The following TENM1 variants were observed in gnomAD, a reference collection of about 807,000 sequenced individuals.
TENM1 encodes the protein teneurin-1.
TENM1 carries 35 observed loss-of-function variants against 174.8 expected under a neutral mutation model. The observed-to-expected ratio is 0.20, with a 90% CI of 0.15 to 0.27. The LOEUF (loss-of-function observed/expected upper bound fraction) is 0.27. Among genes scored for constraint, TENM1 ranks in the 10% least tolerant of loss-of-function variants. TENM1 has a pLI of 1.00. For synonymous variants in TENM1, 781 were observed against 798.7 expected (o/e 0.98, Z 0.37); for missense variants, 1,633 against 2,130.1 (o/e 0.77, Z 4.59).
chrX:124,825,409 C>T (rs911284048), intron 3 of TENM1, among the ~76,000 whole-genome samples: 3 of 109,185 alleles, frequency 2.7e-5, no homozygotes, highest in Non-Finnish European at 5.7e-5. Flanking sequence ...AAGTGATCCA[C>T]CCGCTTCAGT....
chrX:124,618,483 A>G (rs1268597331), intron 11 of TENM1, among the ~76,000 whole-genome samples: 2 of 111,273 alleles, frequency 1.8e-5, no homozygotes, highest in African/African-American at 6.6e-5. Context: ...TTTTCCTGTT[A>G]TATTTTCTGT....
intron 19 of TENM1, among the ~76,000 whole-genome samples, chrX:124,501,058 C>A (rs1330320051): frequency 2.7e-5 from 3 of 110,958 alleles, no homozygotes; most frequent in Non-Finnish European, 5.7e-5. Context: ...CACTTAGTGC[C>A]CTAGATTGTT....
chrX:124,439,475 T>C (rs777971591), intron 23 of TENM1, among the ~76,000 whole-genome samples: 1 of 96,607 alleles, frequency 1.0e-5, no homozygotes, highest in East Asian at 2.9e-4. Flanking sequence ...TCAATGACTA[T>C]AGTGAACATT....
chrX:125,096,572 T>C, the TENM1 span, among the ~76,000 whole-genome samples: 4 of 111,980 alleles, frequency 3.6e-5, no homozygotes, highest in East Asian at 5.6e-4. Flanking sequence ...CTCAAAGTTA[T>C]TTGAACATGG....
chrX:124,603,191 G>T (rs2050069943), intron 11 of TENM1, among the ~76,000 whole-genome samples: 1 of 111,324 alleles, frequency 9.0e-6, no homozygotes, highest in Non-Finnish European at 1.9e-5. Context: ...AACTGAGAGA[G>T]AATAAATTTC....
chrX:124,865,909 A>T (rs1190087682), intron 3 of TENM1, among the ~76,000 whole-genome samples: 1 of 112,213 alleles, frequency 8.9e-6, no homozygotes, highest in Non-Finnish European at 1.9e-5. Context: ...ATAAGAAGAG[A>T]AAAGAAGGTC....
intron 20 of TENM1, among the ~76,000 whole-genome samples, chrX:124,492,571 C>T (rs1165218590): frequency 9.1e-6 from 1 of 110,061 alleles, no homozygotes; most frequent in East Asian, 2.9e-4. Flanking sequence ...CTAATGACAG[C>T]TAATGTGTGC....
chrX:124,867,292 T>C (rs2057025798), intron 3 of TENM1, among the ~76,000 whole-genome samples: 1 of 112,157 alleles, frequency 8.9e-6, no homozygotes, highest in African/African-American at 3.2e-5. Flanking sequence ...TCATTCATCA[T>C]GACCAGAGGG....
the TENM1 span, among the ~76,000 whole-genome samples, chrX:125,062,486 T>C: frequency 5.1e-3 from 576 of 111,967 alleles, 3 homozygotes; most frequent in African/African-American, 0.018. Flanking sequence ...TGGAGACTTT[T>C]TTAGTTATAT....
intron 5 of TENM1, among the ~76,000 whole-genome samples, chrX:124,685,561 GT>G (rs201481902): frequency 0.12 from 11,186 of 94,374 alleles, 638 homozygotes; most frequent in African/African-American, 0.21. Flanking sequence ...AAGCAAATCT[GT>G]TTTTTTTTTT....
chrX:125,094,587 C>T, the TENM1 span, among the ~76,000 whole-genome samples: 1 of 111,927 alleles, frequency 8.9e-6, no homozygotes, highest in Non-Finnish European at 1.9e-5. Context: ...CACATCTTGG[C>T]CTAGCAAGAG....
At chrX:124,940,655 G>T (rs2058312739) in intron 1 of TENM1, among the ~76,000 whole-genome samples, 1 of 110,710 alleles carries the variant, frequency 9.0e-6, no homozygotes, top group Non-Finnish European at 1.9e-5. Context: ...TTCTGCTAAT[G>T]TTTCTTACTC....
At chrX:125,128,856 CT>C in the TENM1 span, among the ~76,000 whole-genome samples, 2 of 111,545 alleles carry the variant, frequency 1.8e-5, no homozygotes, top group Non-Finnish European at 3.8e-5. Context: ...CATTATTGTG[CT>C]GATGCTGTTG....
chrX:124,497,948 T>C (rs2047239403), intron 19 of TENM1, among the ~76,000 whole-genome samples: 2 of 111,703 alleles, frequency 1.8e-5, no homozygotes, highest in Admixed American at 1.9e-4. Flanking sequence ...CCCATTTCTA[T>C]ATGCTGAAAC....
At chrX:124,675,528 C>T (rs971943811) in intron 5 of TENM1, among the ~76,000 whole-genome samples, 4 of 109,276 alleles carry the variant, frequency 3.7e-5, no homozygotes, top group Non-Finnish European at 7.6e-5. Context: ...AATGAACAAA[C>T]AGGGCAATAT....
intron 15 of TENM1, among the ~76,000 whole-genome samples, chrX:124,544,413 A>G (rs2048386629): frequency 8.9e-6 from 1 of 112,245 alleles, no homozygotes; most frequent in Non-Finnish European, 1.9e-5. Flanking sequence ...ACAAATGGAG[A>G]TAGTAATAGT....
At chrX:125,050,876 G>A in the TENM1 span, among the ~76,000 whole-genome samples, 3 of 111,690 alleles carry the variant, frequency 2.7e-5, no homozygotes, top group Admixed American at 9.5e-5. Context: ...GGAAATAAAG[G>A]GTATTCAATT....
the TENM1 span, among the ~76,000 whole-genome samples, chrX:125,025,481 G>C: frequency 8.9e-6 from 1 of 111,908 alleles, no homozygotes; most frequent in African/African-American, 3.3e-5. Flanking sequence ...TTTTAGAATA[G>C]AAACAGAAAA....
At chrX:124,718,390 A>G (rs1305031300) in intron 4 of TENM1, among the ~76,000 whole-genome samples, 1 of 112,427 alleles carries the variant, frequency 8.9e-6, no homozygotes, top group East Asian at 2.8e-4. Context: ...ATAGTCAGCA[A>G]TGACACACTG....
Sources: gnomAD v4.1 joint callset for allele counts (sites outside exome capture counted in the v4.1 genomes callset) on GRCh38, gnomAD v4.1.1 for gene constraint, MANE v1.5 for transcripts, NCBI Gene and HGNC (gene_info 2026-07-23, HGNC 2026-07-21) for gene names.